HEG1: variants seen among roughly 807,000 people sequenced by gnomAD.
HEG1 encodes the protein heart development protein with EGF like domains 1, also known as protein HEG homolog 1.
A neutral mutation model predicts 125.6 loss-of-function variants in HEG1; 56 were observed. That is an observed-to-expected ratio of 0.45 (90% CI 0.36 to 0.56). HEG1 has a LOEUF of 0.56. HEG1 is among the 20% of genes least tolerant of loss of function. HEG1 has a pLI of 0.00. For synonymous variants in HEG1, 644 were observed against 668.5 expected, an observed-to-expected ratio of 0.96 and a Z score of 0.57; for missense variants, 1,523 against 1,670.0, an observed-to-expected ratio of 0.91 and a Z score of 1.53.
intron 8 of HEG1, among the ~76,000 whole-genome samples, chr3:125,005,869 G>C (rs774750243): frequency 6.6e-6 from 1 of 152,136 alleles, no homozygotes; most frequent in Non-Finnish European, 1.5e-5. Context: ...CACTTCAAGG[G>C]GGTGCTTCAG....
At chr3:125,051,659 T>C (rs1393888664) in intron 1 of HEG1, among the ~76,000 whole-genome samples, 1 of 152,230 alleles carries the variant, frequency 6.6e-6, no homozygotes, top group East Asian at 1.9e-4. Context: ...CTAGTTTCCT[T>C]CCTTGTTGCC....
rs372150893 is a variant in HEG1, at chr3:124,973,953, A to T, written c.3822-48T>A. The T allele has an allele frequency of 4.8e-4, 622 of 1,296,718 alleles. 5 individuals carry two copies. In the Middle Eastern group the frequency reaches 8.0e-3, roughly 17 times the overall value. The allele number at this position is 1,296,718 out of a possible 1,614,324, so 80.3% of individuals were successfully genotyped here. ...TAAAGCTCAATTCCGTAAAGAAGTG[A>T]TACTGTGAAAGCACCAACTATGATT... On this transcript the variant is annotated intron_variant, in intron 15 of 16. Coordinates refer to ENST00000311127, the MANE Select transcript of HEG1 (RefSeq NM_020733.2).
At chr3:124,974,348 C>T (rs542415268) in intron 15 of HEG1, among the ~76,000 whole-genome samples, 1 of 152,150 alleles carries the variant, frequency 6.6e-6, no homozygotes, top group East Asian at 1.9e-4. Context: ...GAGTCTGGGT[C>T]TCCCCCAGAT....
At position 125,048,115 on chromosome 3, in the gene HEG1, C is replaced by G. The variant is rs540543234; in HGVS notation, c.316+7460G>C. Among the ~76,000 whole-genome samples, 66 of 152,242 alleles carry G rather than the reference C, an allele frequency of 4.3e-4. 2 individuals carry two copies. The South Asian group carries it at 0.013, about 30-fold the overall frequency. ...ATTGGGATTGAAGTCTTGTCTGCCT[C>G]CCATGCCATCTGACCTGTAAGCTTT... On this transcript the variant is annotated intron_variant, in intron 1 of 16. Coordinates refer to ENST00000311127, the MANE Select transcript of HEG1 (RefSeq NM_020733.2).
intron 1 of HEG1, among the ~76,000 whole-genome samples, chr3:125,051,551 C>T (rs1937806290): frequency 6.6e-6 from 1 of 152,238 alleles, no homozygotes; most frequent in African/African-American, 2.4e-5. Flanking sequence ...TAACATCCCT[C>T]ACGGGCTTGT....
chr3:125,052,201 A>C (rs1937828004), intron 1 of HEG1, among the ~76,000 whole-genome samples: 1 of 138,434 alleles, frequency 7.2e-6, no homozygotes, highest in Non-Finnish European at 1.5e-5. Context: ...AATCCCCACT[A>C]CCACCACCCC....
intron 1 of HEG1, among the ~76,000 whole-genome samples, chr3:125,053,791 T>C (rs1300205996): frequency 1.3e-5 from 2 of 152,188 alleles, no homozygotes; most frequent in Non-Finnish European, 2.9e-5. Flanking sequence ...TTGGGTCACA[T>C]AAGGCCCCAA....
intron 1 of HEG1, among the ~76,000 whole-genome samples, chr3:125,036,217 A>AAAAAAG (rs762830253): frequency 0.01 from 1,517 of 150,486 alleles, 39 homozygotes; most frequent in Non-Finnish European, 0.016. Context: ...CTCAAAAAAA[A>AAAAAAG]AAAAAAAAAG....
At chr3:124,975,906 A>AT (rs1936527370) in intron 15 of HEG1, among the ~76,000 whole-genome samples, 3 of 152,176 alleles carry the variant, frequency 2.0e-5, no homozygotes, top group Non-Finnish European at 4.4e-5. Context: ...AATATATCAC[A>AT]TTTTGTTTAT....
At chr3:124,971,789 CTT>C (rs10635471) in intron 16 of HEG1, among the ~76,000 whole-genome samples, 19 of 128,424 alleles carry the variant, frequency 1.5e-4, no homozygotes, top group Admixed American at 8.1e-5. Flanking sequence ...TGCGCCCGGC[CTT>C]TTTTTTTTTT....
intron 1 of HEG1, among the ~76,000 whole-genome samples, chr3:125,034,991 T>A (rs908811628): frequency 6.6e-6 from 1 of 152,186 alleles, no homozygotes; most frequent in African/African-American, 2.4e-5. Context: ...TTTTTTTATT[T>A]GAGACAGAGT....
chr3:124,990,909 G>T (rs1169064096), intron 13 of HEG1, 35 bp downstream of exon 13: 1 of 1,553,586 alleles, frequency 6.4e-7, no homozygotes, highest in Non-Finnish European at 8.7e-7. Flanking sequence ...AATAAGATTT[G>T]TAACAAAATT....
intron 1 of HEG1, among the ~76,000 whole-genome samples, chr3:125,032,093 A>T (rs1937508746): frequency 6.6e-6 from 1 of 152,242 alleles, no homozygotes. Context: ...TTTAAAATCC[A>T]GTGAATGTTT....
At chr3:124,972,951 T>C (rs1936471146) in intron 16 of HEG1, among the ~76,000 whole-genome samples, 1 of 152,162 alleles carries the variant, frequency 6.6e-6, no homozygotes, top group African/African-American at 2.4e-5. Context: ...CATTGAATTG[T>C]TGTTCTCTTT....
At chr3:125,053,109 C>G (rs1454297438) in intron 1 of HEG1, among the ~76,000 whole-genome samples, 2 of 152,176 alleles carry the variant, frequency 1.3e-5, no homozygotes, top group Non-Finnish European at 2.9e-5. Flanking sequence ...ATGGTGCCTC[C>G]CCAAACACAA....
At chr3:124,983,849 G>C (rs1403644156) in intron 14 of HEG1, among the ~76,000 whole-genome samples, 1 of 152,008 alleles carries the variant, frequency 6.6e-6, no homozygotes, top group African/African-American at 2.4e-5. Flanking sequence ...TCACCAAATA[G>C]TCCTCGCTAG....
Position 125,005,318 on chromosome 3 carries a change from T to C in HEG1, c.3244A>G (p.Thr1082Ala), listed in dbSNP as rs751985554. Residue 1082 changes from threonine to alanine, a missense_variant, in exon 9 of 17, where the codon ACT (threonine) becomes GCT (alanine). Transcript: ENST00000311127. ...FKLKRTFLNT[T>A]VEKHSDLQEV... is the part of the protein sequence containing the mutation. Reference sequence around the variant, plus strand: ...TGTAGGTCTGAATGTTTTTCCACAGTTGTATTAAGAAAAGTTCTCTTTAAT... The same window carrying C: ...TGTAGGTCTGAATGTTTTTCCACAGCTGTATTAAGAAAAGTTCTCTTTAAT... 24 of 1,598,410 alleles carry C rather than the reference T, an allele frequency of 1.5e-5. No individual in the cohort carries two copies. Among genetic ancestry groups the C allele is most frequent in the Admixed American group, 3.5e-5 (2 of 56,374 alleles).
Position 125,055,292 on chromosome 3 carries a change from A to AT in HEG1, c.316+282dup, listed in dbSNP as rs1378635827. ...TGCAGTCTTTTTCCCTTTCCTTTCC[A>AT]TTTTTTTTAAAGTGGGGTGGAAGAG... On this transcript the variant is annotated intron_variant, in intron 1 of 16. Coordinates refer to ENST00000311127, the MANE Select transcript of HEG1 (RefSeq NM_020733.2). 1.3e-4 allele frequency among the ~76,000 whole-genome samples: 20 copies of AT among 151,702 alleles called. No homozygotes were observed. The South Asian group carries it at 2.3e-3, about 17-fold the overall frequency.
intron 1 of HEG1, among the ~76,000 whole-genome samples, chr3:125,048,807 G>A (rs1164954110): frequency 6.6e-6 from 1 of 152,194 alleles, no homozygotes; most frequent in Admixed American, 6.5e-5. Flanking sequence ...AAGAGCAGTG[G>A]GGAGGAAGAG....
Sources: gnomAD v4.1 joint callset for allele counts (sites outside exome capture counted in the v4.1 genomes callset) on GRCh38, gnomAD v4.1.1 for gene constraint, MANE v1.5 for transcripts, NCBI Gene and HGNC (gene_info 2026-07-23, HGNC 2026-07-21) for gene names.